HERC5: variants seen among roughly 807,000 people sequenced by gnomAD.
HERC5 encodes HECT and RLD domain containing E3 ubiquitin protein ligase 5.
In HERC5, 99 loss-of-function variants were observed where a neutral mutation model predicts 119.6. That is an observed-to-expected ratio of 0.83 (90% CI 0.70 to 0.98). The LOEUF is 0.98. Among genes scored for constraint, HERC5 ranks in the 50% least tolerant of loss-of-function variants. HERC5 has a pLI of 0.00. For missense variants in HERC5, 1,267 were observed against 1,241.3 expected, an observed-to-expected ratio of 1.02 and a Z score of -0.31; for synonymous variants, 478 against 445.9, an observed-to-expected ratio of 1.07 and a Z score of -0.91.
In HERC5 at chr4:88,459,916, AT is replaced by A. The variant is rs1166524207; in HGVS notation, c.390-173del. Among the ~76,000 whole-genome samples the A allele has an allele frequency of 5.3e-5, 8 of 152,234 alleles. 1 individual carries two copies. The South Asian group carries it at 8.3e-4, about 16-fold the overall frequency. On this transcript the variant is annotated intron_variant, in intron 2 of 22. Transcript: ENST00000264350. The stretch of plus-strand genomic sequence containing the variant: ...ATTTTATTATAATTATGTAATGCAT[AT>A]TTTTTCTTAATTAAAACATAGTATT...
Position 88,467,069 on chromosome 4 carries a change from C to A in HERC5, c.922C>A (p.Leu308Ile). The change falls in exon 7 of 23, where the codon CTT (leucine) becomes ATT (isoleucine). Residue 308 changes from leucine (L) to isoleucine (I), a missense_variant. Leu to Ile is a conservative substitution (Grantham distance 5). Transcript: ENST00000264350. ...GCTTTTATTTAATAGGTGGCACACA[C>A]TTGCCTATGTTTCTGATTTGGGAAA... Reference protein sequence around the residue: ...TQIACGRWHTLAYVSDLGKVF... With the variant: ...TQIACGRWHTIAYVSDLGKVF... 1 of 1,614,036 alleles carries A rather than the reference C, an allele frequency of 6.2e-7. No individual in the cohort carries two copies. Among genetic ancestry groups the A allele is most frequent in the East Asian group, 2.2e-5 (1 of 44,870 alleles).
intron 13 of HERC5, 23 bp downstream of exon 13, chr4:88,479,530 C>G (rs776913155): frequency 6.6e-7 from 1 of 1,523,970 alleles, no homozygotes; most frequent in Non-Finnish European, 8.8e-7. Flanking sequence ...TTAGAAACCT[C>G]TGTGTTTTTA....
intron 6 of HERC5, 71 bp downstream of exon 6, chr4:88,464,056 T>A (rs1740553450): frequency 1.6e-5 from 22 of 1,336,888 alleles, no homozygotes; most frequent in Non-Finnish European, 2.2e-5. Flanking sequence ...TAATAAAATT[T>A]CTTTCAGTTT....
At chr4:88,484,329 G>T (rs574547131) in intron 13 of HERC5, among the ~76,000 whole-genome samples, 82 of 152,234 alleles carry the variant, frequency 5.4e-4, no homozygotes, top group African/African-American at 1.8e-3. Context: ...GCTCATGTAT[G>T]TTGTGATTTG....
rs751272883 is a variant in HERC5 at position 88,463,911 on chromosome 4, A to G, written c.837A>G (p.Ser279=). ...AACATGGGCAACTTGGTCATAATTCAACACAGAATGAGCTAAGACCCTGTT... is the reference window on the plus strand; with the variant it reads ...AACATGGGCAACTTGGTCATAATTCGACACAGAATGAGCTAAGACCCTGTT... ...AGKHGQLGHN[S]TQNELRPCLV... is the part of the protein sequence containing the mutation. The change falls in exon 6 of 23, where the codon TCA becomes TCG. Residue 279 remains serine (S), a synonymous_variant. Coordinates refer to ENST00000264350, the MANE Select transcript of HERC5 (RefSeq NM_016323.4). 5 of 1,614,030 alleles carry G rather than the reference A, an allele frequency of 3.1e-6. No individual in the cohort carries two copies. Among genetic ancestry groups the G allele is most frequent in the Non-Finnish European group, 3.4e-6 (4 of 1,180,004 alleles).
intron 13 of HERC5, among the ~76,000 whole-genome samples, chr4:88,483,301 T>C (rs915304711): frequency 2.0e-5 from 3 of 151,850 alleles, no homozygotes; most frequent in Non-Finnish European, 4.4e-5. Context: ...CTTGAACTCC[T>C]GGGCTCAAGT....
In HERC5 at chr4:88,463,576, G is replaced by C. The variant is rs1358882478; in HGVS notation, c.733G>C (p.Val245Leu). The C allele has an allele frequency of 3.1e-6, 5 of 1,613,868 alleles. No individual in the cohort carries two copies. The highest frequency in any genetic ancestry group is 3.3e-5 in the Admixed American group (2 of 59,998). ...SLIEGLDNQK[V>L]EFVACGGSHS... ...TATTGAAGGACTAGACAATCAGAAA[G>C]TTGAATTTGTCGCTTGTGGTGGCTC... Residue 245 changes from valine to leucine, a missense_variant, in exon 5 of 23, where the codon GTT (valine) becomes CTT (leucine). Physicochemically the swap from Val to Leu is conservative, Grantham distance 32. Transcript: ENST00000264350.
In HERC5 at chr4:88,460,137, A is replaced by C; in HGVS notation, c.432A>C (p.Thr144=). ...ILQEKKIIQI[T]CGDYHSLALS... The stretch of plus-strand genomic sequence containing the variant: ...AAGAAAAAAAAATAATTCAGATCAC[A>C]TGTGGAGATTACCATTCTCTTGCAC... The change falls in exon 3 of 23, where the codon ACA becomes ACC. Residue 144 remains threonine (T), a synonymous_variant. Coordinates refer to ENST00000264350, the MANE Select transcript of HERC5 (RefSeq NM_016323.4). 1 of 1,589,450 alleles carries C rather than the reference A, an allele frequency of 6.3e-7. No individual in the cohort carries two copies. The highest frequency in any genetic ancestry group is 1.1e-5 in the South Asian group (1 of 89,208).
rs1389230005 is a variant in HERC5 at position 88,463,554 on chromosome 4, T to TG, written c.712dup (p.Glu238GlyfsTer9). 1 of 1,613,528 alleles carries TG rather than the reference T, an allele frequency of 6.2e-7. No homozygotes were observed. The highest frequency in any genetic ancestry group is 1.3e-5 in the African/African-American group (1 of 74,878). On this transcript the variant is annotated frameshift_variant, in exon 5 of 23. Transcript: ENST00000264350. LOFTEE classifies it high-confidence loss of function. ...TAGGTAAAGATGATCCATCCCTTAT[T>TG]GAAGGACTAGACAATCAGAAAGTTG...
chr4:88,486,554 C>A (rs1741472686), intron 14 of HERC5, among the ~76,000 whole-genome samples: 2 of 152,288 alleles, frequency 1.3e-5, no homozygotes, highest in South Asian at 4.1e-4. Context: ...AGAGCCAAGA[C>A]CCTGTGGGTA....
At chr4:88,470,900 C>G in intron 10 of HERC5, among the ~76,000 whole-genome samples, 1 of 151,364 alleles carries the variant, frequency 6.6e-6, no homozygotes, top group East Asian at 1.9e-4. Flanking sequence ...CTAGCACTTA[C>G]GTATATGATT....
intron 18 of HERC5, among the ~76,000 whole-genome samples, chr4:88,499,215 A>T (rs986253586): frequency 3.3e-5 from 5 of 152,194 alleles, no homozygotes; most frequent in African/African-American, 1.2e-4. Flanking sequence ...GTCCCAGAGT[A>T]TTGGCAGTGA....
At chr4:88,470,730 G>C in intron 10 of HERC5, 57 bp downstream of exon 10, 1 of 782,842 alleles carries the variant, frequency 1.3e-6, no homozygotes, top group South Asian at 2.1e-5. Context: ...CGTGAAAGAG[G>C]ATAAAAAAAT....
chr4:88,497,513 A>G (rs1741833044), intron 18 of HERC5, among the ~76,000 whole-genome samples: 1 of 152,236 alleles, frequency 6.6e-6, no homozygotes, highest in African/African-American at 2.4e-5. Flanking sequence ...TTTTGTGGAA[A>G]GTCAGATTCT....
chr4:88,458,239 CACTTT>C (rs1740257065), intron 1 of HERC5: 1 of 314,180 alleles, frequency 3.2e-6, no homozygotes. Flanking sequence ...ATATTTTTCT[CACTTT>C]GCCTTTTGTG....
Position 88,462,221 on chromosome 4 carries a change from G to A in HERC5, c.553G>A (p.Val185Met). The A allele has an allele frequency of 2.5e-6, 4 of 1,614,226 alleles. No individual in the cohort carries two copies. Among genetic ancestry groups the A allele is most frequent in the Non-Finnish European group, 1.7e-6 (2 of 1,180,046 alleles). ...KFPSTTTPQI[V>M]EHLAGVPLAQ... ...TCCCTCAACCACCACACCACAGATT[G>A]TGGAGCACCTCGCAGGAGTACCCTT... Residue 185 changes from valine (V) to methionine (M), a missense_variant, in exon 4 of 23, where the codon GTG (valine) becomes ATG (methionine). This residue lies in a region of HERC5 where 777 missense variants were observed against 758.0 expected (regional missense o/e 1.03). Coordinates refer to ENST00000264350, the MANE Select transcript of HERC5 (RefSeq NM_016323.4).
intron 1 of HERC5, among the ~76,000 whole-genome samples, chr4:88,458,352 T>C (rs1166747421): frequency 6.6e-6 from 1 of 152,052 alleles, no homozygotes; most frequent in Non-Finnish European, 1.5e-5. Context: ...CTATCCACAC[T>C]CCCAGTGTTT....
chr4:88,485,487 G>A lies in HERC5; in HGVS notation c.1738-628G>A, dbSNP rs1741425253. On this transcript the variant is annotated intron_variant, in intron 13 of 22. Coordinates refer to ENST00000264350, the MANE Select transcript of HERC5 (RefSeq NM_016323.4). The stretch of plus-strand genomic sequence containing the variant: ...GACGAGAGTCAATAAGAACATTCTA[G>A]ACACATGGTTTCAGTGCATATAGCC... Among the ~76,000 whole-genome samples the A allele has an allele frequency of 2.0e-5, 3 of 152,176 alleles. No individual in the cohort carries two copies. The South Asian group carries it at 6.2e-4, about 31-fold the overall frequency.
At chr4:88,465,454 T>G (rs567719039) in intron 6 of HERC5, among the ~76,000 whole-genome samples, 2 of 152,254 alleles carry the variant, frequency 1.3e-5, no homozygotes, top group African/African-American at 4.8e-5. Context: ...TATTTTCTTA[T>G]GATCTTGGAG....
Sources: gnomAD v4.1 joint callset for allele counts (sites outside exome capture counted in the v4.1 genomes callset) on GRCh38, gnomAD v4.1.1 for gene constraint, gnomAD v4.1.1 regional missense constraint, MANE v1.5 for transcripts, NCBI Gene and HGNC (gene_info 2026-07-23, HGNC 2026-07-21) for gene names.